DCDC1: variants seen among roughly 807,000 people sequenced by gnomAD.
DCDC1 encodes the protein doublecortin domain containing 1.
Under a neutral mutation model 178.3 loss-of-function variants are expected in DCDC1, and 200 were observed. The observed-to-expected ratio is 1.12, with a 90% CI of 1.00 to 1.26. The LOEUF is 1.26. Ranked by LOEUF, DCDC1 falls within the 50% of genes most tolerant of loss-of-function variation. The pLI is 0.00. For missense variants in DCDC1, 1,983 were observed against 1,749.2 expected (o/e 1.13, Z -2.38); for synonymous variants, 690 against 604.8 (o/e 1.14, Z -2.07).
At chr11:30,918,057 A>G (rs1333911200) in intron 25 of DCDC1, among the ~76,000 whole-genome samples, 1 of 152,098 alleles carries the variant, frequency 6.6e-6, no homozygotes, top group Non-Finnish European at 1.5e-5. Context: ...AAAAAAAACA[A>G]CAGCGCCATC....
At chr11:31,218,597 T>C (rs201895056) in intron 9 of DCDC1, among the ~76,000 whole-genome samples, 1 of 152,206 alleles carries the variant, frequency 6.6e-6, no homozygotes, top group Non-Finnish European at 1.5e-5. Context: ...AACTAAATTT[T>C]ATCTTTTATG....
intron 9 of DCDC1, among the ~76,000 whole-genome samples, chr11:31,200,250 T>A (rs1284776955): frequency 3.3e-5 from 5 of 152,130 alleles, no homozygotes; most frequent in African/African-American, 7.2e-5. Flanking sequence ...AGATGTGTTT[T>A]AAATTAAGGA....
chr11:31,254,539 C>T (rs939074380), intron 8 of DCDC1, among the ~76,000 whole-genome samples: 1 of 152,134 alleles, frequency 6.6e-6, no homozygotes, highest in African/African-American at 2.4e-5. Flanking sequence ...GTACAAATAG[C>T]TTACTATATT....
At chr11:31,023,517 G>C (rs1953026553) in intron 20 of DCDC1, among the ~76,000 whole-genome samples, 1 of 151,890 alleles carries the variant, frequency 6.6e-6, no homozygotes, top group African/African-American at 2.4e-5. Flanking sequence ...AAAATGAGGA[G>C]AGACGCAGAA....
At chr11:31,018,035 T>C (rs1952603707) in intron 20 of DCDC1, among the ~76,000 whole-genome samples, 1 of 152,210 alleles carries the variant, frequency 6.6e-6, no homozygotes. Flanking sequence ...TTTTGTAACT[T>C]AGTTTTAATA....
chr11:31,315,668 A>G (rs934421570), intron 3 of DCDC1, among the ~76,000 whole-genome samples: 1 of 47,716 alleles, frequency 2.1e-5, no homozygotes, highest in African/African-American at 1.3e-4. Flanking sequence ...TTTTTTTTTT[A>G]TTAAACTCTA....
In DCDC1 at chr11:30,987,597, A is replaced by C. The variant is rs376872317; in HGVS notation, c.2592-35029T>G. On this transcript the variant is annotated intron_variant, in intron 20 of 38. Transcript: ENST00000684477. ...CAGGAAAAACCTCTCTTATAGGGCT[A>C]TATTTAAGCTGAGATTTGAATGACA... Among the ~76,000 whole-genome samples the C allele has an allele frequency of 2.6e-5, 4 of 152,254 alleles. No homozygotes were observed. The South Asian group carries it at 8.3e-4, about 32-fold the overall frequency.
In DCDC1 at chr11:30,894,307, C is replaced by T; in HGVS notation, c.4843G>A (p.Gly1615Ser). The change falls in exon 35 of 39, where the codon GGC becomes AGC. Residue 1615 changes from glycine to serine, a missense_variant. Transcript: ENST00000684477. The part of the protein sequence containing the change: ...SPVQPVVVEG[G>S]WTEQTQQEIK... ...TCCTGTTGAGTCTGTTCGGTCCAGCCTCCTTCAACCACCACGGGCTGCACA... is the reference window on the plus strand; with the variant it reads ...TCCTGTTGAGTCTGTTCGGTCCAGCTTCCTTCAACCACCACGGGCTGCACA... 6.2e-7 allele frequency: 1 copy of T among 1,613,854 alleles called. No homozygotes were observed. The highest frequency in any genetic ancestry group is 8.5e-7 in the Non-Finnish European group (1 of 1,179,820).
At chr11:31,214,306 G>A (rs1973252203) in intron 9 of DCDC1, among the ~76,000 whole-genome samples, 3 of 152,056 alleles carry the variant, frequency 2.0e-5, no homozygotes, top group Non-Finnish European at 4.4e-5. Flanking sequence ...TTACCTATAT[G>A]AAACTTTAGT....
At chr11:30,882,148 A>G (rs1296431964) in intron 36 of DCDC1, 2 of 152,468 alleles carry the variant, frequency 1.3e-5, no homozygotes, top group Non-Finnish European at 2.9e-5. Context: ...ACTTCTGTTT[A>G]TAGATCTGTT....
intron 20 of DCDC1, among the ~76,000 whole-genome samples, chr11:31,039,796 T>C (rs1954311279): frequency 6.6e-6 from 1 of 152,260 alleles, no homozygotes; most frequent in Non-Finnish European, 1.5e-5. Context: ...AAATCAGTGT[T>C]AATAAGAAGC....
intron 3 of DCDC1, among the ~76,000 whole-genome samples, chr11:31,308,528 T>C (rs905684809): frequency 1.2e-4 from 19 of 152,162 alleles, no homozygotes; most frequent in Non-Finnish European, 2.2e-4. Context: ...CTAACTCATC[T>C]CTGTTCAGGA....
At position 31,064,474 on chromosome 11, in the gene DCDC1, A is replaced by G; in HGVS notation, c.2586T>C (p.Ala862=). ...KLEEKHPKAS[A]QRWAIKHEGT... ...CAGTTCTGTCAGTACCCTACCTCTG[A>G]GCAGAAGCCTTAGGATGTTTCTCTT... is the stretch of plus-strand genomic sequence containing the variant. Residue 862 remains alanine, a synonymous_variant, in exon 20 of 39, where the codon GCT becomes GCC. Transcript: ENST00000684477. The G allele has an allele frequency of 1.3e-6, 1 of 765,280 alleles. No individual in the cohort carries two copies. Among genetic ancestry groups the G allele is most frequent in the Non-Finnish European group, 2.4e-6 (1 of 417,142 alleles). The allele number at this position is 765,280 out of a possible 1,614,324, so 47.4% of individuals were successfully genotyped here. A position where few individuals can be genotyped will look rare whatever the true frequency, so the allele number is the denominator to read the frequency against.
chr11:31,184,084 C>CAGATAT (rs1450657602), intron 9 of DCDC1, among the ~76,000 whole-genome samples: 1 of 152,168 alleles, frequency 6.6e-6, no homozygotes, highest in Non-Finnish European at 1.5e-5. Context: ...GGTACCAAAA[C>CAGATAT]AGATATACAG....
intron 20 of DCDC1, among the ~76,000 whole-genome samples, chr11:30,997,476 G>A (rs755211052): frequency 4.6e-5 from 7 of 151,948 alleles, no homozygotes; most frequent in Non-Finnish European, 1.0e-4. Context: ...CTAGTAACTG[G>A]AAAACAAGTA....
intron 9 of DCDC1, among the ~76,000 whole-genome samples, chr11:31,235,664 G>T (rs1243750518): frequency 6.6e-6 from 1 of 151,872 alleles, no homozygotes; most frequent in Admixed American, 6.6e-5. Context: ...GATAAAGATG[G>T]AGACATATTC....
At chr11:31,296,039 G>A (rs1947659995) in intron 6 of DCDC1, among the ~76,000 whole-genome samples, 1 of 152,054 alleles carries the variant, frequency 6.6e-6, no homozygotes, top group South Asian at 2.1e-4. Flanking sequence ...TACCTAAAGA[G>A]AAAACTCTTG....
intron 28 of DCDC1, 90 bp downstream of exon 28, chr11:30,911,237 T>C (rs558203390): frequency 9.9e-7 from 1 of 1,013,270 alleles, no homozygotes; most frequent in East Asian, 2.6e-5. Flanking sequence ...CTATGACAGT[T>C]TTTTTTTTTC....
At chr11:30,944,140 C>T (rs1313466110) in intron 21 of DCDC1, 1 of 337,000 alleles carries the variant, frequency 3.0e-6, no homozygotes, top group Admixed American at 3.8e-5. Flanking sequence ...TAAACTGGCT[C>T]AATGCATAGC....
Sources: gnomAD v4.1 joint callset for allele counts (sites outside exome capture counted in the v4.1 genomes callset) on GRCh38, gnomAD v4.1.1 for gene constraint, MANE v1.5 for transcripts, NCBI Gene and HGNC (gene_info 2026-07-23, HGNC 2026-07-21) for gene names.